Variants in CUL9 observed in about 807,000 individuals in gnomAD.
CUL9 encodes the protein cullin 9, also known as cullin-9.
In CUL9, 79 loss-of-function variants were observed where a neutral mutation model predicts 272.6. The observed-to-expected ratio is 0.29, with a 90% CI of 0.24 to 0.35. The LOEUF (loss-of-function observed/expected upper bound fraction) is 0.35, where lower values mean the gene tolerates loss of function less well. Ranked by LOEUF, CUL9 falls within the 10% of genes least tolerant of loss-of-function variation. CUL9 has a pLI of 1.00. For missense variants in CUL9, 2,532 were observed against 3,255.6 expected (o/e 0.78, Z 5.41); for synonymous variants, 1,186 against 1,286.5 (o/e 0.92, Z 1.67).
intron 9 of CUL9, among the ~76,000 whole-genome samples, chr6:43,193,578 C>T (rs149371092): frequency 5.9e-4 from 90 of 152,104 alleles, no homozygotes; most frequent in African/African-American, 1.6e-3. Context: ...GATGGAGTCT[C>T]GCTTGTTGCC....
Position 43,224,107 on chromosome 6 carries a change from G to T in CUL9, c.7297G>T (p.Gly2433Cys). Residue 2433 changes from glycine to cysteine, a missense_variant, in exon 40 of 41, where the codon GGT (glycine) becomes TGT (cysteine). Around this residue, in one of 3 missense-constraint regions of CUL9, gnomAD observed 237 missense variants for 305.9 expected, o/e 0.77. Coordinates refer to ENST00000252050, the MANE Select transcript of CUL9 (RefSeq NM_015089.4). The surrounding 1 kb of genome is among the most constrained non-coding windows in gnomAD (Gnocchi z 4.2). ...LQHSAQDFRV[G>C]LQSPSVEAWE... is the part of the protein sequence containing the mutation. ...GTCTGCTCACCAGGATTTCCGGGTT[G>T]GTCTTCAGAGTCCATCAGTAGAGGC... 6.2e-7 allele frequency: 1 copy of T among 1,614,202 alleles called. No homozygotes were observed. The highest frequency in any genetic ancestry group is 8.5e-7 in the Non-Finnish European group (1 of 1,180,020).
In CUL9 at chr6:43,184,204, G is replaced by A. The variant is rs1053883425; in HGVS notation, c.-9-98G>A. On this transcript the variant is annotated intron_variant, in intron 1 of 40. Coordinates refer to ENST00000252050, the MANE Select transcript of CUL9 (RefSeq NM_015089.4). This position sits in a 1 kb window ranked among gnomAD's most constrained non-coding sequence, Gnocchi z 4.8. ...CCTAAATTCTACCATGCAGCCTACC[G>A]ATCACCACCCACCTTCTCTGTGTCT... The A allele has an allele frequency of 2.6e-5, 24 of 917,956 alleles. No homozygotes were observed. Among genetic ancestry groups the A allele is most frequent in the Admixed American group, 1.7e-4 (5 of 28,582 alleles). 56.9% of individuals were successfully genotyped at this position (917,956 alleles called of 1,614,324 possible).
chr6:43,213,609 G>A lies in CUL9; in HGVS notation c.5488+42G>A, dbSNP rs750016051. 1 of 1,606,990 alleles carries A rather than the reference G, an allele frequency of 6.2e-7. No individual in the cohort carries two copies. The highest frequency in any genetic ancestry group is 8.5e-7 in the Non-Finnish European group (1 of 1,176,220). On this transcript the variant is annotated intron_variant, in intron 28 of 40. Transcript: ENST00000252050. This position sits in a 1 kb window ranked among gnomAD's most constrained non-coding sequence, Gnocchi z 5.7. ...CGGGCTGAGCCTCTGCTGCTGGTCG[G>A]GGGGTCGCCCTCAAGATGGGGGGAC...
chr6:43,222,363 G>C lies in CUL9; in HGVS notation c.6894G>C (p.Glu2298Asp), dbSNP rs201699447. ...RQEKRFQDYN[E>D]RCTFHHQARE... Reference sequence around the variant, plus strand: ...AGAAGCGGTTTCAGGACTATAATGAGAGGTGCACTTTCCATCACCAGGCGC... The same window carrying C: ...AGAAGCGGTTTCAGGACTATAATGACAGGTGCACTTTCCATCACCAGGCGC... Residue 2298 changes from glutamate (E) to aspartate (D), a missense_variant, in exon 36 of 41, where the codon GAG becomes GAC. Transcript: ENST00000252050. 3 of 1,613,882 alleles carry C rather than the reference G, an allele frequency of 1.9e-6. No homozygotes were observed. The highest frequency in any genetic ancestry group is 1.7e-6 in the Non-Finnish European group (2 of 1,179,982).
Position 43,199,813 on chromosome 6 carries a change from G to A in CUL9, c.3157-116G>A, listed in dbSNP as rs371917403. On this transcript the variant is annotated intron_variant, in intron 13 of 40. Transcript: ENST00000252050. This position sits in a 1 kb window ranked among gnomAD's most constrained non-coding sequence, Gnocchi z 4.4. ...ATTTGGTACTCTTGTTTCCCTGGGC[G>A]TTGGCATGTCTCCACAATCTCAGCC... 5.2e-5 allele frequency: 42 copies of A among 815,078 alleles called. 1 individual carries two copies. Among genetic ancestry groups the A allele is most frequent in the South Asian group, 2.5e-4 (16 of 64,070 alleles). The allele number at this position is 815,078 out of a possible 1,614,324, so 50.5% of individuals were successfully genotyped here.
Position 43,221,381 on chromosome 6 carries a change from A to G in CUL9, c.6752+60A>G, listed in dbSNP as rs1776353544. On this transcript the variant is annotated intron_variant, in intron 34 of 40. Transcript: ENST00000252050. The surrounding 1 kb of genome is among the most constrained non-coding windows in gnomAD (Gnocchi z 4.2). ...AAGGAGGGGGGAGGAGGCCTGGCAGAAGGAGGGGGGAACGGGCTTAGTGTA... is the reference window on the plus strand; with the variant it reads ...AAGGAGGGGGGAGGAGGCCTGGCAGGAGGAGGGGGGAACGGGCTTAGTGTA... The G allele has an allele frequency of 9.2e-7, 1 of 1,092,580 alleles. No homozygotes were observed. Among genetic ancestry groups the G allele is most frequent in the Non-Finnish European group, 1.3e-6 (1 of 758,068 alleles). 67.7% of individuals were successfully genotyped at this position (1,092,580 alleles called of 1,614,324 possible).
At chr6:43,186,579 A>AAGGGAAGGAAG in intron 4 of CUL9, 124 bp downstream of exon 4, 2 of 1,366,826 alleles carry the variant, frequency 1.5e-6, no homozygotes, top group Non-Finnish European at 2.0e-6. Context: ...TTGGAATGAT[A>AAGGGAAGGAAG]CAAGGGGGTT....
In CUL9 at chr6:43,223,225, T is replaced by C; in HGVS notation, c.7151-39T>C. On this transcript the variant is annotated intron_variant, in intron 38 of 40. Transcript: ENST00000252050. This position sits in a 1 kb window ranked among gnomAD's most constrained non-coding sequence, Gnocchi z 4.1. ...TGTTGGAGGAAGGAATGGATGAGAA[T>C]GAGAAGGGAGGGAGCCTCTGTGCCT... 6.4e-7 allele frequency: 1 copy of C among 1,564,016 alleles called. No individual in the cohort carries two copies. Among genetic ancestry groups the C allele is most frequent in the Non-Finnish European group, 8.7e-7 (1 of 1,150,166 alleles).
rs143762071 is a variant in CUL9 at position 43,205,934 on chromosome 6, T to C, written c.4794-73T>C. ...ACTCAGGCAGAGGGACAGAGGGACC[T>C]ACATTCTCGAGGGGGAGGCTGGGCC... On this transcript the variant is annotated intron_variant, in intron 24 of 40. Transcript: ENST00000252050. 8.4e-3 allele frequency: 11,285 copies of C among 1,344,054 alleles called. 69 individuals are homozygous for C. Among genetic ancestry groups the C allele is most frequent in the Middle Eastern group, 0.01 (51 of 5,018 alleles). The allele number at this position is 1,344,054 out of a possible 1,614,324, so 83.3% of individuals were successfully genotyped here.
intron 2 of CUL9, among the ~76,000 whole-genome samples, chr6:43,185,163 T>C (rs1375703150): frequency 6.6e-6 from 1 of 152,212 alleles, no homozygotes; most frequent in Non-Finnish European, 1.5e-5. Context: ...TGAAACTGGA[T>C]TGAGATTTAT....
chr6:43,192,059 C>CT (rs777284621), intron 8 of CUL9, among the ~76,000 whole-genome samples: 2,852 of 118,602 alleles, frequency 0.024, 111 homozygotes, highest in East Asian at 0.11. Flanking sequence ...CCCCTTTTCT[C>CT]TTTTTTTTTT....
intron 31 of CUL9, among the ~76,000 whole-genome samples, chr6:43,217,796 G>T (rs987892215): frequency 6.6e-6 from 1 of 151,866 alleles, no homozygotes; most frequent in Non-Finnish European, 1.5e-5. Flanking sequence ...ATGGATTTAT[G>T]TGCATAGCAC....
Position 43,205,371 on chromosome 6 carries a change from A to T in CUL9, c.4741A>T (p.Ile1581Phe), listed in dbSNP as rs1164638658. Residue 1581 changes from isoleucine to phenylalanine, a missense_variant, in exon 24 of 41, where the codon ATT becomes TTT. By Grantham distance (21) the Ile-to-Phe change is conservative (BLOSUM62 0). Coordinates refer to ENST00000252050, the MANE Select transcript of CUL9 (RefSeq NM_015089.4). Reference sequence around the variant, plus strand: ...GCAGCTTCAGCGGCACCTGGAACCCATTATGGTCCTTTCTGGTCTGGAACT... The same window carrying T: ...GCAGCTTCAGCGGCACCTGGAACCCTTTATGGTCCTTTCTGGTCTGGAACT... ...LGQLQRHLEP[I>F]MVLSGLELAT... The T allele has an allele frequency of 6.2e-7, 1 of 1,614,048 alleles. No homozygotes were observed. Among genetic ancestry groups the T allele is most frequent in the Non-Finnish European group, 8.5e-7 (1 of 1,180,040 alleles).
At chr6:43,201,763 A>G (rs182206165) in intron 16 of CUL9, among the ~76,000 whole-genome samples, 112 of 152,320 alleles carry the variant, frequency 7.4e-4, no homozygotes, top group African/African-American at 2.1e-3. Context: ...ACAGGCGTGA[A>G]CCACTGCGCC....
At chr6:43,192,499 C>T (rs1196086172) in intron 8 of CUL9, among the ~76,000 whole-genome samples, 1 of 152,128 alleles carries the variant, frequency 6.6e-6, no homozygotes, top group East Asian at 1.9e-4. Context: ...AGCGAAACCC[C>T]GTCTCTACTG....
At chr6:43,196,363 C>G (rs960149704) in intron 10 of CUL9, 98 bp downstream of exon 10, 15 of 1,203,078 alleles carry the variant, frequency 1.2e-5, no homozygotes, top group Non-Finnish European at 1.7e-5. Context: ...ATTCCCCTCA[C>G]GCTGTCACCT....
chr6:43,209,518 C>T (rs555837499), intron 26 of CUL9, among the ~76,000 whole-genome samples: 2 of 152,248 alleles, frequency 1.3e-5, no homozygotes, highest in South Asian at 2.1e-4. Flanking sequence ...CAGGATCAGT[C>T]TAGGATCACC....
intron 16 of CUL9, among the ~76,000 whole-genome samples, chr6:43,202,176 G>A (rs62417517): frequency 3.3e-5 from 5 of 152,190 alleles, no homozygotes; most frequent in African/African-American, 2.4e-5. Flanking sequence ...CTGAGTGCAC[G>A]GAAGTTTTAT....
rs1309637017 is a variant in CUL9 at position 43,184,903 on chromosome 6, C to T, written c.593C>T (p.Ala198Val). ...CTGCAGGCTCTGGCAGCCCACGATG[C>T]TGGTAAGAGACAGCCAGGGAAGAAG... is the stretch of plus-strand genomic sequence containing the variant. ...KMLQALAAHD[A>V]GSRAHVLLSL... Residue 198 changes from alanine to valine, a missense_variant and splice_region_variant, in exon 2 of 41, where the codon GCT (alanine) becomes GTT (valine). By Grantham distance (64) the Ala-to-Val change is moderately conservative (BLOSUM62 0). Coordinates refer to ENST00000252050, the MANE Select transcript of CUL9 (RefSeq NM_015089.4). This position sits in a 1 kb window ranked among gnomAD's most constrained non-coding sequence, Gnocchi z 4.8. The T allele has an allele frequency of 1.0e-5, 16 of 1,586,016 alleles. No individual in the cohort carries two copies. Among genetic ancestry groups the T allele is most frequent in the African/African-American group, 1.3e-5 (1 of 74,714 alleles).
Sources: allele counts gnomAD v4.1 joint callset (sites outside exome capture counted in the v4.1 genomes callset), GRCh38; gene constraint gnomAD v4.1.1; regional missense constraint gnomAD v4.1.1; non-coding constraint Gnocchi (gnomAD v3.1); transcripts MANE v1.5; gene names NCBI Gene and HGNC (gene_info 2026-07-23, HGNC 2026-07-21).